The following NLGN1 variants were observed in gnomAD, a reference collection of about 807,000 sequenced individuals.
NLGN1 encodes the protein neuroligin-1.
A neutral mutation model predicts 65.5 loss-of-function variants in NLGN1; 12 were observed. The ratio of observed to expected loss-of-function variants is 0.18; its 90% CI spans 0.12 to 0.30. NLGN1 has a LOEUF of 0.30. NLGN1 is among the 10% of genes least tolerant of loss of function. NLGN1 has a pLI of 1.00. For missense variants in NLGN1, 750 were observed against 1,007.1 expected (o/e 0.74, Z 3.46); for synonymous variants, 350 against 359.5 (o/e 0.97, Z 0.30).
At chr3:174,105,402 G>A (rs1273599465) in intron 4 of NLGN1, among the ~76,000 whole-genome samples, 2 of 152,094 alleles carry the variant, frequency 1.3e-5, no homozygotes, top group East Asian at 1.9e-4. Flanking sequence ...GCCAGGCATG[G>A]TGGCACGCAC....
chr3:173,459,830 T>C (rs977504887), intron 2 of NLGN1, among the ~76,000 whole-genome samples: 21 of 152,126 alleles, frequency 1.4e-4, no homozygotes, highest in Admixed American at 1.4e-3. Flanking sequence ...AGCATATTTT[T>C]GTGTATCAAA....
intron 4 of NLGN1, among the ~76,000 whole-genome samples, chr3:173,945,484 A>G (rs898290715): frequency 7.9e-5 from 12 of 151,956 alleles, no homozygotes; most frequent in African/African-American, 2.7e-4. Context: ...ATGCCATATT[A>G]TTTGTGTGAT....
chr3:173,703,992 A>G (rs924986651), intron 3 of NLGN1, among the ~76,000 whole-genome samples: 16 of 152,334 alleles, frequency 1.1e-4, no homozygotes, highest in Middle Eastern at 3.4e-3. Flanking sequence ...GGTTTTGCCA[A>G]TTCAGATCCT....
intron 4 of NLGN1, among the ~76,000 whole-genome samples, chr3:174,179,969 T>C (rs1420189390): frequency 6.6e-6 from 1 of 152,120 alleles, no homozygotes; most frequent in East Asian, 1.9e-4. Context: ...GGGACATTCT[T>C]TGCAAAACAG....
chr3:173,498,077 A>C (rs369192557), intron 2 of NLGN1, among the ~76,000 whole-genome samples: 9 of 151,650 alleles, frequency 5.9e-5, no homozygotes, highest in African/African-American at 9.7e-5. Flanking sequence ...ATTATACTTT[A>C]AGTTTTAGGG....
At chr3:173,604,816 T>A (rs1267019849) in exon 3 of NLGN1, 1 of 1,613,758 alleles carries the variant, frequency 6.2e-7, no homozygotes, top group East Asian at 2.2e-5. Flanking sequence ...AATAATGAAA[T>A]TTTGGGGCCT....
At chr3:173,959,708 C>G (rs1713066066) in intron 4 of NLGN1, among the ~76,000 whole-genome samples, 1 of 152,100 alleles carries the variant, frequency 6.6e-6, no homozygotes, top group Non-Finnish European at 1.5e-5. Flanking sequence ...TGCAAAAGTG[C>G]TATTAGTCTG....
At chr3:173,835,758 A>G (rs1412055822) in intron 4 of NLGN1, among the ~76,000 whole-genome samples, 1 of 152,126 alleles carries the variant, frequency 6.6e-6, no homozygotes, top group African/African-American at 2.4e-5. Flanking sequence ...TAATCCAAGA[A>G]TACTAGATGT....
chr3:173,734,472 T>C (rs1185200321), intron 3 of NLGN1, among the ~76,000 whole-genome samples: 12 of 148,530 alleles, frequency 8.1e-5, no homozygotes, highest in East Asian at 2.0e-4. Flanking sequence ...TCATAGCTCA[T>C]TGTAGCCTCA....
In NLGN1 at chr3:173,672,927, GT is replaced by G. The variant is rs988448656; in HGVS notation, c.493+67841del. ...ATAGACCTTTAAGGAGTCACTGTAGGTTTTTGCTGGTTTAAGCCTTGTCAAT... is the reference window on the plus strand; with the variant it reads ...ATAGACCTTTAAGGAGTCACTGTAGGTTTTGCTGGTTTAAGCCTTGTCAAT... On this transcript the variant is annotated intron_variant, in intron 3 of 6. Transcript: ENST00000457714. Among the ~76,000 whole-genome samples the G allele has an allele frequency of 1.9e-4, 29 of 152,216 alleles. No homozygotes were observed. In the Middle Eastern group the frequency reaches 0.01, roughly 54 times the overall value.
At chr3:173,412,381 G>C (rs1048302372) in intron 1 of NLGN1, among the ~76,000 whole-genome samples, 18 of 151,936 alleles carry the variant, frequency 1.2e-4, no homozygotes, top group African/African-American at 4.1e-4. Context: ...TTTTGCTGTA[G>C]AGCATTAGAA....
intron 3 of NLGN1, among the ~76,000 whole-genome samples, chr3:173,728,452 G>A (rs1191273463): frequency 6.6e-6 from 1 of 152,044 alleles, no homozygotes. Flanking sequence ...CCTTTCCCTT[G>A]TTTTGGTTAA....
chr3:173,791,916 C>G (rs1329444759), intron 3 of NLGN1, among the ~76,000 whole-genome samples: 1 of 152,088 alleles, frequency 6.6e-6, no homozygotes, highest in Non-Finnish European at 1.5e-5. Flanking sequence ...ATTTCTAGCT[C>G]TAGCGTCCTA....
chr3:174,172,782 A>G (rs1679245295), intron 4 of NLGN1, among the ~76,000 whole-genome samples: 1 of 152,084 alleles, frequency 6.6e-6, no homozygotes, highest in South Asian at 2.1e-4. Flanking sequence ...TTTGCTTAGA[A>G]TAGCTTTGAC....
At chr3:174,060,283 T>A (rs1737109132) in intron 4 of NLGN1, among the ~76,000 whole-genome samples, 1 of 152,092 alleles carries the variant, frequency 6.6e-6, no homozygotes, top group Admixed American at 6.6e-5. Context: ...CCATCTCATA[T>A]GTTAACAGAT....
At chr3:173,945,167 T>C (rs1398976902) in intron 4 of NLGN1, among the ~76,000 whole-genome samples, 1 of 151,874 alleles carries the variant, frequency 6.6e-6, no homozygotes, top group Non-Finnish European at 1.5e-5. Flanking sequence ...CAGAAGTCTT[T>C]GGAAAATCTG....
chr3:173,638,388 G>GAAA (rs34003190), intron 3 of NLGN1, among the ~76,000 whole-genome samples: 5 of 145,818 alleles, frequency 3.4e-5, no homozygotes, highest in Non-Finnish European at 7.5e-5. Context: ...ATTATAAAAT[G>GAAA]AAAAAAAAAA....
At chr3:174,055,527 G>A (rs1026354150) in intron 4 of NLGN1, among the ~76,000 whole-genome samples, 3 of 151,836 alleles carry the variant, frequency 2.0e-5, no homozygotes, top group African/African-American at 7.3e-5. Flanking sequence ...ATCTGGAGAG[G>A]GAGGCATTTA....
At chr3:173,890,877 A>C (rs1160436534) in intron 4 of NLGN1, among the ~76,000 whole-genome samples, 1 of 152,200 alleles carries the variant, frequency 6.6e-6, no homozygotes, top group Admixed American at 6.6e-5. Flanking sequence ...TTGAAAAAGA[A>C]TTGGTTGCAC....
Sources: gnomAD v4.1 joint callset for allele counts (sites outside exome capture counted in the v4.1 genomes callset) on GRCh38, gnomAD v4.1.1 for gene constraint, MANE v1.5 for transcripts, NCBI Gene and HGNC (gene_info 2026-07-23, HGNC 2026-07-21) for gene names.